USH2A: variants seen among roughly 807,000 people sequenced by gnomAD.
USH2A encodes usherin.
Under a neutral mutation model 538.9 loss-of-function variants are expected in USH2A, and 443 were observed. That is an observed-to-expected ratio of 0.82 (90% CI 0.76 to 0.89). USH2A has a LOEUF of 0.89. USH2A is among the 40% of genes least tolerant of loss of function. The pLI is 0.00. For missense variants in USH2A, 6,633 were observed against 6,324.8 expected, an observed-to-expected ratio of 1.05 and a Z score of -1.65; for synonymous variants, 2,413 against 2,273.5, an observed-to-expected ratio of 1.06 and a Z score of -1.75.
chr1:216,195,020 A>T (rs1020767201), intron 19 of USH2A, among the ~76,000 whole-genome samples: 7 of 152,164 alleles, frequency 4.6e-5, no homozygotes, highest in Non-Finnish European at 1.0e-4. Flanking sequence ...GCTTGGAACA[A>T]AGGCATAACA....
At chr1:215,797,527 A>G (rs1192968585) in intron 50 of USH2A, among the ~76,000 whole-genome samples, 1 of 152,110 alleles carries the variant, frequency 6.6e-6, no homozygotes. Flanking sequence ...GCAGCTGGTG[A>G]CTTTAAGTGG....
At chr1:216,239,495 A>G (rs887260332) in intron 13 of USH2A, among the ~76,000 whole-genome samples, 2 of 152,226 alleles carry the variant, frequency 1.3e-5, no homozygotes, top group African/African-American at 2.4e-5. Context: ...AAGGACAGCA[A>G]TGAGGCTTGT....
At chr1:215,849,835 C>T (rs1012458224) in intron 44 of USH2A, among the ~76,000 whole-genome samples, 16 of 152,026 alleles carry the variant, frequency 1.1e-4, no homozygotes, top group African/African-American at 3.9e-4. Flanking sequence ...TAGTTTAATC[C>T]AAGAATTTTA....
intron 15 of USH2A, among the ~76,000 whole-genome samples, chr1:216,208,547 T>C (rs2035170205): frequency 6.6e-6 from 1 of 152,004 alleles, no homozygotes; most frequent in African/African-American, 2.4e-5. Flanking sequence ...AAGGAACCAC[T>C]TTCAAAAGGG....
intron 20 of USH2A, among the ~76,000 whole-genome samples, chr1:216,187,700 T>C (rs1294351739): frequency 6.6e-6 from 1 of 151,928 alleles, no homozygotes; most frequent in Non-Finnish European, 1.5e-5. Context: ...AAAAGTCTTC[T>C]ATAATATTAT....
At chr1:216,042,624 T>G (rs1437422557) in intron 32 of USH2A, among the ~76,000 whole-genome samples, 1 of 152,074 alleles carries the variant, frequency 6.6e-6, no homozygotes, top group Non-Finnish European at 1.5e-5. Flanking sequence ...GGTGTAGACT[T>G]AAACTGCCCA....
intron 4 of USH2A, among the ~76,000 whole-genome samples, chr1:216,334,189 A>G (rs75383735): frequency 0.068 from 10,375 of 152,102 alleles, 374 homozygotes; most frequent in Middle Eastern, 0.11. Context: ...CTCCATAGAC[A>G]ATAACGGCAC....
At chr1:215,737,830 T>C (rs1660199451) in intron 60 of USH2A, among the ~76,000 whole-genome samples, 1 of 152,058 alleles carries the variant, frequency 6.6e-6, no homozygotes, top group African/African-American at 2.4e-5. Flanking sequence ...TTATAAAATG[T>C]TTTCACTTAT....
chr1:216,222,767 T>C (rs930659278), intron 14 of USH2A, among the ~76,000 whole-genome samples: 2 of 152,072 alleles, frequency 1.3e-5, no homozygotes, highest in Admixed American at 6.6e-5. Context: ...TCACCTGAGG[T>C]TGGGAGTTTG....
intron 55 of USH2A, among the ~76,000 whole-genome samples, chr1:215,770,394 A>G (rs1661244079): frequency 6.6e-6 from 1 of 152,106 alleles, no homozygotes; most frequent in Non-Finnish European, 1.5e-5. Flanking sequence ...ATAATTGTAT[A>G]CACTGTAGTT....
chr1:215,630,443 CATATATATGTGA>C lies in USH2A; in HGVS notation c.15298-1420_15298-1409del, dbSNP rs1656225844. Among the ~76,000 whole-genome samples the C allele has an allele frequency of 2.1e-5, 2 of 93,210 alleles. 1 individual carries two copies. Among genetic ancestry groups the C allele is most frequent in the South Asian group, 7.4e-4 (2 of 2,686 alleles). The allele number at this position is 93,210 out of a possible 152,430, so 61.1% of individuals were successfully genotyped here. ...ATATATATGTGTGTGTGTATATATA[CATATATATGTGA>C]ATATATATGTATGTGTATGTGTGTG... On this transcript the variant is annotated intron_variant, in intron 70 of 71. Coordinates refer to ENST00000307340, the MANE Select transcript of USH2A (RefSeq NM_206933.4).
intron 16 of USH2A, among the ~76,000 whole-genome samples, chr1:216,203,163 C>A (rs754544862): frequency 7.2e-5 from 11 of 152,078 alleles, no homozygotes; most frequent in Non-Finnish European, 1.6e-4. Flanking sequence ...ATTCCAAGAT[C>A]TCCAGTGGAT....
chr1:216,380,398 A>G (rs2038905593), intron 3 of USH2A, among the ~76,000 whole-genome samples: 1 of 152,206 alleles, frequency 6.6e-6, no homozygotes, highest in Non-Finnish European at 1.5e-5. Context: ...AATTAAAGAC[A>G]TCAGAAATGC....
At chr1:216,275,289 CTTA>C (rs1571648729) in intron 11 of USH2A, among the ~76,000 whole-genome samples, 1 of 152,114 alleles carries the variant, frequency 6.6e-6, no homozygotes, top group African/African-American at 2.4e-5. Flanking sequence ...ACAGTGTGGT[CTTA>C]TTGTAATTTG....
rs12042600 is a variant in USH2A at position 216,349,982 on chromosome 1, T to G, written c.784+14971A>C. On this transcript the variant is annotated intron_variant, in intron 4 of 71. Transcript: ENST00000307340. ...AGTTGACTCATAGTTCTGCATGCTT[T>G]ACAGGAAGGATAGTGCTAATATCTG... Among the ~76,000 whole-genome samples, 1,034 of 152,250 alleles carry G rather than the reference T, an allele frequency of 6.8e-3. 5 individuals carry two copies. The highest frequency in any genetic ancestry group is 0.036 in the East Asian group (186 of 5,178).
intron 44 of USH2A, among the ~76,000 whole-genome samples, chr1:215,851,119 G>A (rs957029814): frequency 3.9e-5 from 6 of 151,918 alleles, no homozygotes; most frequent in African/African-American, 1.5e-4. Context: ...ACAATCTAAG[G>A]TCACACCTCA....
chr1:216,246,751 C>G lies in USH2A; in HGVS notation c.2643G>C (p.Gln881His). 6.2e-7 allele frequency: 1 copy of G among 1,614,144 alleles called. No individual in the cohort carries two copies. The highest frequency in any genetic ancestry group is 2.2e-5 in the East Asian group (1 of 44,878). The change falls in exon 13 of 72, where the codon CAG becomes CAC. Residue 881 changes from glutamine (Q) to histidine (H), a missense_variant. Transcript: ENST00000307340. The part of the protein sequence containing the change: ...KLGVTGLRCN[Q>H]CEPHRYNLTI... Reference sequence around the variant, plus strand: ...TCAAATTGTACCTGTGAGGCTCACACTGATTACAGCGAAGACCTGTTACCC... The same window carrying G: ...TCAAATTGTACCTGTGAGGCTCACAGTGATTACAGCGAAGACCTGTTACCC...
At position 215,636,820 on chromosome 1, in the gene USH2A, T is replaced by C. The variant is rs565359711; in HGVS notation, c.15053-2117A>G. On this transcript the variant is annotated intron_variant, in intron 69 of 71. Transcript: ENST00000307340. ...AATTAGAACTGACGATGGATATTAGTTGGGCAGCACATCTTGGAATCTGCC... is the reference window on the plus strand; with the variant it reads ...AATTAGAACTGACGATGGATATTAGCTGGGCAGCACATCTTGGAATCTGCC... Among the ~76,000 whole-genome samples the C allele has an allele frequency of 5.9e-5, 9 of 152,230 alleles. No individual in the cohort carries two copies. The East Asian group carries it at 1.4e-3, about 23-fold the overall frequency.
intron 14 of USH2A, among the ~76,000 whole-genome samples, chr1:216,217,835 T>C (rs1226051859): frequency 1.3e-5 from 2 of 152,100 alleles, no homozygotes; most frequent in Non-Finnish European, 2.9e-5. Context: ...CATCCCACAA[T>C]ATATCTTATG....
Sources: allele counts gnomAD v4.1 joint callset (sites outside exome capture counted in the v4.1 genomes callset), GRCh38; gene constraint gnomAD v4.1.1; transcripts MANE v1.5; gene names NCBI Gene and HGNC (gene_info 2026-07-23, HGNC 2026-07-21).